The following SEMA3D variants were observed in gnomAD, a reference collection of about 807,000 sequenced individuals.
SEMA3D encodes semaphorin-3D.
SEMA3D carries 84 observed loss-of-function variants against 100.1 expected under a neutral mutation model. That is an observed-to-expected ratio of 0.84 (90% CI 0.70 to 1.01). SEMA3D has a LOEUF of 1.01. Among genes scored for constraint, SEMA3D ranks in the 50% least tolerant of loss-of-function variants. The pLI is 0.00. For missense variants in SEMA3D, 875 were observed against 934.1 expected (o/e 0.94, Z 0.82); for synonymous variants, 312 against 320.7 (o/e 0.97, Z 0.29).
intron 1 of SEMA3D, among the ~76,000 whole-genome samples, chr7:85,181,314 C>T (rs932967134): frequency 1.5e-4 from 16 of 105,356 alleles, no homozygotes; most frequent in African/African-American, 2.7e-4. Context: ...TAAAGACATG[C>T]TCACAACACA....
chr7:85,158,397 T>C (rs1004279192), intron 1 of SEMA3D, among the ~76,000 whole-genome samples: 1 of 152,162 alleles, frequency 6.6e-6, no homozygotes, highest in Non-Finnish European at 1.5e-5. Flanking sequence ...AGCTGTGGAA[T>C]GAAATAAGCC....
rs1789543254 is a variant in SEMA3D, at chr7:84,997,793, A to G, written c.*1647T>C. The G allele has an allele frequency of 6.6e-6, 1 of 152,438 alleles. No homozygotes were observed. Among genetic ancestry groups the G allele is most frequent in the South Asian group, 2.1e-4 (1 of 4,826 alleles). 9.4% of individuals were successfully genotyped at this position (152,438 alleles called of 1,614,324 possible). ...TGAAAAGCTGCCTTCCATGTGAGGA[A>G]GTGACTAATTTTTCATTTCACACTA... On this transcript the variant is annotated 3_prime_UTR_variant, in exon 19 of 19. Transcript: ENST00000284136.
At chr7:85,006,774 T>C (rs2115745626) in intron 18 of SEMA3D, 28 bp downstream of exon 18, 13 of 1,540,154 alleles carry the variant, frequency 8.4e-6, no homozygotes, top group Non-Finnish European at 1.1e-5. Flanking sequence ...TCCCTCAAAG[T>C]GAGTATTCTT....
chr7:85,172,930 C>T (rs1012289629), intron 1 of SEMA3D, among the ~76,000 whole-genome samples: 2 of 152,040 alleles, frequency 1.3e-5, no homozygotes, highest in Non-Finnish European at 2.9e-5. Flanking sequence ...TATTCTGAAA[C>T]AGCAGAATAG....
At chr7:85,136,675 T>TA (rs1789875823) in intron 2 of SEMA3D, among the ~76,000 whole-genome samples, 1 of 152,268 alleles carries the variant, frequency 6.6e-6, no homozygotes, top group South Asian at 2.1e-4. Flanking sequence ...TTTCTCTTGC[T>TA]AAAAAATATA....
At chr7:85,032,138 G>T (rs1290762958) in intron 12 of SEMA3D, among the ~76,000 whole-genome samples, 2 of 151,796 alleles carry the variant, frequency 1.3e-5, no homozygotes, top group African/African-American at 4.8e-5. Flanking sequence ...GTAAAATGAG[G>T]GTGAATTACG....
intron 12 of SEMA3D, among the ~76,000 whole-genome samples, chr7:85,024,676 T>C (rs118045425): frequency 0.022 from 3,274 of 152,116 alleles, 51 homozygotes; most frequent in Middle Eastern, 0.058. Context: ...ATGTTGCCAG[T>C]GTTTGGACAA....
At chr7:85,145,141 T>G (rs980230548) in intron 2 of SEMA3D, among the ~76,000 whole-genome samples, 2 of 152,136 alleles carry the variant, frequency 1.3e-5, no homozygotes, top group African/African-American at 2.4e-5. Context: ...CATTCAAGTA[T>G]GGGAATCATG....
intron 1 of SEMA3D, among the ~76,000 whole-genome samples, chr7:85,180,722 TTC>T (rs1791377701): frequency 6.6e-6 from 1 of 152,320 alleles, no homozygotes; most frequent in South Asian, 2.1e-4. Context: ...ATTATTCAGA[TTC>T]TCTTTGTTTT....
At chr7:85,249,002 G>A in the SEMA3D span, among the ~76,000 whole-genome samples, 1 of 152,156 alleles carries the variant, frequency 6.6e-6, no homozygotes, top group Admixed American at 6.5e-5. Flanking sequence ...ATCTGTCAAT[G>A]TAGTTTAATT....
intron 18 of SEMA3D, among the ~76,000 whole-genome samples, chr7:85,002,887 T>G (rs1206165989): frequency 1.3e-5 from 2 of 152,136 alleles, no homozygotes; most frequent in African/African-American, 2.4e-5. Flanking sequence ...GGACTTTATC[T>G]CTTATAATAG....
At chr7:85,248,356 C>A in the SEMA3D span, among the ~76,000 whole-genome samples, 2 of 152,118 alleles carry the variant, frequency 1.3e-5, no homozygotes, top group Non-Finnish European at 2.9e-5. Context: ...GTAACTGTCA[C>A]ACTCATTTAT....
intron 15 of SEMA3D, among the ~76,000 whole-genome samples, chr7:85,017,495 T>C (rs931724094): frequency 4.0e-5 from 6 of 151,662 alleles, no homozygotes; most frequent in Non-Finnish European, 7.4e-5. Context: ...GATAATTTCC[T>C]AAAAAAATCA....
chr7:85,048,305 C>T (rs1791065053), intron 9 of SEMA3D, among the ~76,000 whole-genome samples: 1 of 151,720 alleles, frequency 6.6e-6, no homozygotes, highest in Non-Finnish European at 1.5e-5. Context: ...TTTCTAGAAA[C>T]AGATTTTAGA....
chr7:85,064,732 G>A (rs1014212106), intron 8 of SEMA3D, among the ~76,000 whole-genome samples: 15 of 152,094 alleles, frequency 9.9e-5, no homozygotes, highest in Non-Finnish European at 1.2e-4. Context: ...TTGTAAGGCG[G>A]TGGTGGGGAG....
intron 9 of SEMA3D, among the ~76,000 whole-genome samples, chr7:85,043,530 C>A (rs546392466): frequency 6.6e-6 from 1 of 152,116 alleles, no homozygotes; most frequent in South Asian, 2.1e-4. Flanking sequence ...TTCAATAATT[C>A]AGCATAAAAA....
At chr7:85,020,378 G>T in intron 13 of SEMA3D, 57 bp from the exon 14 acceptor site, 1 of 1,251,978 alleles carries the variant, frequency 8.0e-7, no homozygotes, top group Non-Finnish European at 1.2e-6. Flanking sequence ...TTAGTGGTAA[G>T]CATATCCCTA....
intron 11 of SEMA3D, among the ~76,000 whole-genome samples, chr7:85,038,857 T>C (rs1445918560): frequency 6.6e-6 from 1 of 152,214 alleles, no homozygotes; most frequent in Non-Finnish European, 1.5e-5. Flanking sequence ...ATCTTATAAT[T>C]AACCAAACAG....
At chr7:85,111,049 C>A (rs1375479449) in intron 3 of SEMA3D, among the ~76,000 whole-genome samples, 1 of 152,014 alleles carries the variant, frequency 6.6e-6, no homozygotes, top group Non-Finnish European at 1.5e-5. Context: ...TTTCATTTAA[C>A]AACTTCTATA....
Sources: allele counts gnomAD v4.1 joint callset (sites outside exome capture counted in the v4.1 genomes callset), GRCh38; gene constraint gnomAD v4.1.1; transcripts MANE v1.5; gene names NCBI Gene and HGNC (gene_info 2026-07-23, HGNC 2026-07-21).